The following HCN1 variants were observed in gnomAD, a reference collection of about 807,000 sequenced individuals.
The protein encoded by HCN1 is hyperpolarization activated cyclic nucleotide gated potassium channel 1.
In HCN1, 13 loss-of-function variants were observed where a neutral mutation model predicts 78.9. The ratio of observed to expected loss-of-function variants is 0.16; its 90% CI spans 0.11 to 0.26. The LOEUF is 0.26. Among genes scored for constraint, HCN1 ranks in the 10% least tolerant of loss-of-function variants. The pLI, the probability that HCN1 is intolerant of heterozygous loss-of-function variation, is 1.00. For synonymous variants in HCN1, 552 were observed against 455.5 expected (o/e 1.21, Z -2.70); for missense variants, 810 against 1,154.3 (o/e 0.70, Z 4.32).
chr5:45,380,509 A>G (rs1747784759), intron 4 of HCN1, among the ~76,000 whole-genome samples: 1 of 152,156 alleles, frequency 6.6e-6, no homozygotes, highest in East Asian at 1.9e-4. Flanking sequence ...GGAGGTACTC[A>G]GGTTCAAAAC....
rs546034160 is a variant in HCN1, at chr5:45,622,383, A to G, written c.849+22802T>C. On this transcript the variant is annotated intron_variant, in intron 2 of 7. Transcript: ENST00000303230. The stretch of plus-strand genomic sequence containing the variant: ...TGCTTTAAAAACTGTTGCTCACCAT[A>G]ATGAAAGATACAAGGTACTAATCAT... Among the ~76,000 whole-genome samples the G allele has an allele frequency of 1.5e-4, 23 of 152,294 alleles. No individual in the cohort carries two copies. The South Asian group carries it at 2.7e-3, about 18-fold the overall frequency.
chr5:45,600,958 G>A (rs1196544188), intron 2 of HCN1, among the ~76,000 whole-genome samples: 1 of 152,120 alleles, frequency 6.6e-6, no homozygotes, highest in Non-Finnish European at 1.5e-5. Context: ...TCCAAAAAGT[G>A]AAGCTCAATC....
intron 2 of HCN1, among the ~76,000 whole-genome samples, chr5:45,638,436 C>T (rs1745394895): frequency 6.6e-6 from 1 of 152,154 alleles, no homozygotes. Context: ...AAATGGGAAG[C>T]ATGAACATTT....
chr5:45,371,645 T>A (rs1370832797), intron 4 of HCN1, among the ~76,000 whole-genome samples: 3 of 150,184 alleles, frequency 2.0e-5, no homozygotes, highest in African/African-American at 4.9e-5. Flanking sequence ...TAATCCCAGC[T>A]ACTCGTGAGG....
At chr5:45,480,441 C>T (rs1466711062) in intron 2 of HCN1, among the ~76,000 whole-genome samples, 2 of 152,096 alleles carry the variant, frequency 1.3e-5, no homozygotes, top group Admixed American at 6.6e-5. Context: ...AACATATCCA[C>T]TGAAAACTCA....
intron 3 of HCN1, among the ~76,000 whole-genome samples, chr5:45,444,548 G>A (rs1205590765): frequency 1.3e-5 from 2 of 152,054 alleles, no homozygotes; most frequent in African/African-American, 4.8e-5. Context: ...CTTTGGCTGA[G>A]CCTTGTCTGA....
At chr5:45,490,805 G>A (rs1458038240) in intron 2 of HCN1, among the ~76,000 whole-genome samples, 2 of 152,040 alleles carry the variant, frequency 1.3e-5, no homozygotes, top group African/African-American at 2.4e-5. Context: ...TTTCATACAT[G>A]TATAATTCCT....
At chr5:45,306,592 T>C (rs1347309500) in intron 5 of HCN1, among the ~76,000 whole-genome samples, 1 of 152,162 alleles carries the variant, frequency 6.6e-6, no homozygotes, top group Non-Finnish European at 1.5e-5. Context: ...AAACCTTTCA[T>C]TCTCCCATGA....
intron 3 of HCN1, among the ~76,000 whole-genome samples, chr5:45,451,800 A>C (rs1442599015): frequency 6.6e-6 from 1 of 152,026 alleles, no homozygotes; most frequent in East Asian, 1.9e-4. Flanking sequence ...TTATATCCAC[A>C]TTTGGTATGT....
At chr5:45,346,672 T>A (rs1272504956) in intron 5 of HCN1, among the ~76,000 whole-genome samples, 1 of 152,184 alleles carries the variant, frequency 6.6e-6, no homozygotes, top group Non-Finnish European at 1.5e-5. Flanking sequence ...AATACTGCGC[T>A]TTTCTGATGG....
At position 45,506,068 on chromosome 5, in the gene HCN1, C is replaced by T. The variant is rs185872370; in HGVS notation, c.850-44061G>A. On this transcript the variant is annotated intron_variant, in intron 2 of 7. Coordinates refer to ENST00000303230, the MANE Select transcript of HCN1 (RefSeq NM_021072.4). ...TATGTTCACTAGAATGAAATAAAAT[C>T]GGCATTTCTTCTTTATATTAGATAA... Among the ~76,000 whole-genome samples the T allele has an allele frequency of 1.8e-3, 277 of 152,168 alleles. 1 individual carries two copies. Among genetic ancestry groups the T allele is most frequent in the African/African-American group, 6.3e-3 (263 of 41,528 alleles).
intron 3 of HCN1, among the ~76,000 whole-genome samples, chr5:45,439,692 T>G (rs765680886): frequency 7.9e-5 from 12 of 152,004 alleles, no homozygotes; most frequent in Non-Finnish European, 1.5e-4. Flanking sequence ...CCTCCAGAAT[T>G]AAGAAATGAT....
chr5:45,650,640 C>T (rs1580018998), intron 1 of HCN1, among the ~76,000 whole-genome samples: 1 of 151,952 alleles, frequency 6.6e-6, no homozygotes, highest in East Asian at 1.9e-4. Flanking sequence ...ATAATATTAA[C>T]TACTAATAAA....
chr5:45,647,418 C>G (rs963360441), intron 1 of HCN1, among the ~76,000 whole-genome samples: 1 of 152,082 alleles, frequency 6.6e-6, no homozygotes, highest in Non-Finnish European at 1.5e-5. Flanking sequence ...CACTTCTGGG[C>G]ACTCCTATCA....
Position 45,461,787 on chromosome 5 carries a change from T to G in HCN1, c.1011+59A>C, listed in dbSNP as rs1394803552. 2.8e-6 allele frequency: 4 copies of G among 1,405,882 alleles called. No individual in the cohort carries two copies. In the African/African-American group the frequency reaches 5.7e-5, roughly 20 times the overall value. The allele number at this position is 1,405,882 out of a possible 1,614,324, so 87.1% of individuals were successfully genotyped here. A position where few individuals can be genotyped will look rare whatever the true frequency, so the allele number is the denominator to read the frequency against. On this transcript the variant is annotated intron_variant, in intron 3 of 7. Transcript: ENST00000303230. ...AATCAGATCATTGTAACATAATTAC[T>G]TAAAAGGTTTTGGCACAACGTTGAA... is the stretch of plus-strand genomic sequence containing the variant.
At position 45,679,412 on chromosome 5, in the gene HCN1, G is replaced by A. The variant is rs113426528; in HGVS notation, c.425+16257C>T. 6.3e-3 allele frequency among the ~76,000 whole-genome samples: 954 copies of A among 152,070 alleles called. 7 individuals are homozygous for A. Among genetic ancestry groups the A allele is most frequent in the African/African-American group, 0.022 (898 of 41,520 alleles). On this transcript the variant is annotated intron_variant, in intron 1 of 7. Coordinates refer to ENST00000303230, the MANE Select transcript of HCN1 (RefSeq NM_021072.4). ...TCTCACTGACTGTGTTGCCTTTCCC[G>A]TGTGACCAGTTAAAACAACATTTCA...
rs560012492 is a variant in HCN1, at chr5:45,324,804, T to C, written c.1378-20965A>G. On this transcript the variant is annotated intron_variant, in intron 5 of 7. Transcript: ENST00000303230. ...GGGAAAGTTATCTGCAATTATAATCTCTACGCTGACTACACGAAATTTGTG... is the reference window on the plus strand; with the variant it reads ...GGGAAAGTTATCTGCAATTATAATCCCTACGCTGACTACACGAAATTTGTG... Among the ~76,000 whole-genome samples the C allele has an allele frequency of 2.6e-5, 4 of 151,850 alleles. No homozygotes were observed. The South Asian group carries it at 8.3e-4, about 31-fold the overall frequency.
At chr5:45,688,375 G>A (rs1029837905) in intron 1 of HCN1, among the ~76,000 whole-genome samples, 4 of 152,036 alleles carry the variant, frequency 2.6e-5, no homozygotes, top group Non-Finnish European at 4.4e-5. Context: ...CCATGTTCAC[G>A]CTACATAACT....
chr5:45,257,603 AG>A lies in HCN1; in HGVS notation c.*4317del, dbSNP rs1186442406. 6.6e-6 allele frequency: 1 copy of A among 152,194 alleles called. No individual in the cohort carries two copies. Among genetic ancestry groups the A allele is most frequent in the African/African-American group, 2.4e-5 (1 of 41,470 alleles). 9.4% of individuals were successfully genotyped at this position (152,194 alleles called of 1,614,324 possible). Reference sequence around the variant, plus strand: ...CCCTGTCAAAGCCTGAATTGGAAGCAGGGTCAGCATTAGGGTGAGACAAGAG... The same window carrying A: ...CCCTGTCAAAGCCTGAATTGGAAGCAGGTCAGCATTAGGGTGAGACAAGAG... On this transcript the variant is annotated 3_prime_UTR_variant, in exon 8 of 8. Transcript: ENST00000303230.
Sources: allele counts gnomAD v4.1 joint callset (sites outside exome capture counted in the v4.1 genomes callset), GRCh38; gene constraint gnomAD v4.1.1; transcripts MANE v1.5; gene names NCBI Gene and HGNC (gene_info 2026-07-23, HGNC 2026-07-21).